LRRTM4: variants seen among roughly 807,000 people sequenced by gnomAD.
LRRTM4 encodes leucine-rich repeat transmembrane neuronal protein 4.
Under a neutral mutation model 47.6 loss-of-function variants are expected in LRRTM4, and 25 were observed. The ratio of observed to expected loss-of-function variants is 0.53; its 90% CI spans 0.38 to 0.73. LRRTM4 has a LOEUF of 0.73. Ranked by LOEUF, LRRTM4 falls within the 30% of genes least tolerant of loss-of-function variation. The probability of loss-of-function intolerance (pLI) is 0.00; values close to 1 mark genes in which losing one functional copy is unlikely to be tolerated. For missense variants in LRRTM4, 638 were observed against 713.4 expected (o/e 0.89, Z 1.20); for synonymous variants, 311 against 269.5 (o/e 1.15, Z -1.51).
At chr2:77,089,962 C>T (rs1468393237) in intron 3 of LRRTM4, among the ~76,000 whole-genome samples, 20 of 152,234 alleles carry the variant, frequency 1.3e-4, no homozygotes, top group Non-Finnish European at 2.6e-4. Context: ...TTCTTTCCCT[C>T]CCATCTGTCC....
intron 3 of LRRTM4, among the ~76,000 whole-genome samples, chr2:77,235,363 C>T (rs1675078131): frequency 6.6e-6 from 1 of 152,190 alleles, no homozygotes; most frequent in East Asian, 1.9e-4. Flanking sequence ...TTCTCATGCC[C>T]ATTTTTAATG....
intron 3 of LRRTM4, among the ~76,000 whole-genome samples, chr2:76,999,791 T>A (rs1677348417): frequency 1.3e-5 from 2 of 152,146 alleles, no homozygotes; most frequent in Admixed American, 1.3e-4. Context: ...TCCACTTGTC[T>A]CAGGATCTCA....
chr2:76,990,362 A>T lies in LRRTM4; in HGVS notation c.1552-241446T>A, dbSNP rs190722964. Reference sequence around the variant, plus strand: ...CACCTCACTTAAAAGGTACAGAGTAAGTTGGATAAAATAGCAAGACCCATC... The same window carrying T: ...CACCTCACTTAAAAGGTACAGAGTATGTTGGATAAAATAGCAAGACCCATC... On this transcript the variant is annotated intron_variant, in intron 3 of 3. Transcript: ENST00000409884. Among the ~76,000 whole-genome samples, 4 of 151,878 alleles carry T rather than the reference A, an allele frequency of 2.6e-5. No individual in the cohort carries two copies. In the Admixed American group the frequency reaches 2.6e-4, roughly 10 times the overall value.
At chr2:77,117,425 A>C (rs967357823) in intron 3 of LRRTM4, among the ~76,000 whole-genome samples, 10 of 151,872 alleles carry the variant, frequency 6.6e-5, no homozygotes, top group Non-Finnish European at 1.3e-4. Context: ...ATAAAAATTG[A>C]AGAAATCCAT....
At chr2:76,896,799 A>G (rs1673431742) in intron 3 of LRRTM4, among the ~76,000 whole-genome samples, 1 of 149,078 alleles carries the variant, frequency 6.7e-6, no homozygotes, top group African/African-American at 2.5e-5. Context: ...TCTGCATGAG[A>G]TGTATATGAT....
At chr2:76,977,811 T>C (rs1676468718) in intron 3 of LRRTM4, among the ~76,000 whole-genome samples, 1 of 152,012 alleles carries the variant, frequency 6.6e-6, no homozygotes, top group South Asian at 2.1e-4. Flanking sequence ...TCGTTGTCGT[T>C]GTTGTTCAAA....
At chr2:77,198,144 G>A (rs750155011) in intron 3 of LRRTM4, among the ~76,000 whole-genome samples, 1 of 152,124 alleles carries the variant, frequency 6.6e-6, no homozygotes, top group Non-Finnish European at 1.5e-5. Context: ...TTTGATCACT[G>A]CATGTTCTAC....
chr2:77,014,523 T>TATATATATATATATATATATATATATA (rs1677989293), intron 3 of LRRTM4, among the ~76,000 whole-genome samples: 13 of 149,682 alleles, frequency 8.7e-5, no homozygotes, highest in South Asian at 2.1e-4. Context: ...TATATAAAGA[T>TATATATATATATATATATATATATATA]TTTATAGGCC....
At chr2:77,149,541 T>A (rs896707411) in intron 3 of LRRTM4, among the ~76,000 whole-genome samples, 1 of 152,190 alleles carries the variant, frequency 6.6e-6, no homozygotes, top group East Asian at 1.9e-4. Flanking sequence ...GCTAAAACAA[T>A]ACTTGCTAAT....
intron 3 of LRRTM4, among the ~76,000 whole-genome samples, chr2:77,316,496 A>G (rs773425202): frequency 1.3e-5 from 2 of 152,122 alleles, no homozygotes; most frequent in African/African-American, 4.8e-5. Flanking sequence ...GTGTTTGGCA[A>G]AACATATACT....
chr2:76,853,065 G>A (rs1284703092), intron 3 of LRRTM4, among the ~76,000 whole-genome samples: 1 of 152,138 alleles, frequency 6.6e-6, no homozygotes, highest in Non-Finnish European at 1.5e-5. Context: ...CTTGGTACCT[G>A]TCAAAAGTTT....
intron 3 of LRRTM4, among the ~76,000 whole-genome samples, chr2:77,368,729 C>G (rs564848269): frequency 2.6e-5 from 4 of 151,682 alleles, no homozygotes; most frequent in African/African-American, 9.7e-5. Flanking sequence ...CATTGTGGTC[C>G]AAACGAAAGG....
intron 3 of LRRTM4, among the ~76,000 whole-genome samples, chr2:77,069,721 A>T (rs180949583): frequency 6.8e-6 from 1 of 147,514 alleles, no homozygotes; most frequent in East Asian, 2.1e-4. Context: ...AGGGCCTTCT[A>T]AAGTCTTTCT....
intron 3 of LRRTM4, among the ~76,000 whole-genome samples, chr2:77,200,100 G>A (rs1307153906): frequency 1.3e-5 from 2 of 151,858 alleles, no homozygotes; most frequent in Non-Finnish European, 2.9e-5. Flanking sequence ...TCTTTTAGAA[G>A]GAATAACAGT....
chr2:77,057,920 T>C (rs1242295176), intron 3 of LRRTM4, among the ~76,000 whole-genome samples: 1 of 152,162 alleles, frequency 6.6e-6, no homozygotes, highest in Non-Finnish European at 1.5e-5. Context: ...AGAGTTTGGA[T>C]GCACGTAAGT....
intron 3 of LRRTM4, among the ~76,000 whole-genome samples, chr2:77,511,878 G>A (rs1297481640): frequency 6.6e-6 from 1 of 152,046 alleles, no homozygotes; most frequent in Non-Finnish European, 1.5e-5. Context: ...TGACTTTGCT[G>A]TCATTTCATT....
chr2:77,346,583 A>G (rs565613514), intron 3 of LRRTM4, among the ~76,000 whole-genome samples: 1 of 152,260 alleles, frequency 6.6e-6, no homozygotes, highest in East Asian at 1.9e-4. Flanking sequence ...TTGGTACAAT[A>G]TTCCTTAAAG....
intron 3 of LRRTM4, among the ~76,000 whole-genome samples, chr2:76,943,539 A>G (rs1291911096): frequency 6.6e-6 from 1 of 152,230 alleles, no homozygotes; most frequent in Non-Finnish European, 1.5e-5. Flanking sequence ...ATTGTGCCAT[A>G]AAGAGTTGTC....
rs7573014 is a variant in LRRTM4, at chr2:76,856,736, T to A, written c.1552-107820A>T. ...TTGAAAATATTTTCTTTCCCTTATA[T>A]GTCATTAAGCTAAATATGTGCTATG... On this transcript the variant is annotated intron_variant, in intron 3 of 3. Coordinates refer to ENST00000409884, the MANE Select transcript of LRRTM4 (RefSeq NM_001134745.3). Among the ~76,000 whole-genome samples, 740 of 152,250 alleles carry A rather than the reference T, an allele frequency of 4.9e-3. 9 individuals carry two copies. The highest frequency in any genetic ancestry group is 0.017 in the African/African-American group (700 of 41,550).
Sources: gnomAD v4.1 joint callset for allele counts (sites outside exome capture counted in the v4.1 genomes callset) on GRCh38, gnomAD v4.1.1 for gene constraint, MANE v1.5 for transcripts, NCBI Gene and HGNC (gene_info 2026-07-23, HGNC 2026-07-21) for gene names.